PDE3A: variants seen among roughly 807,000 people sequenced by gnomAD.
PDE3A encodes the protein cGMP-inhibited 3',5'-cyclic phosphodiesterase 3A.
In PDE3A, 43 loss-of-function variants were observed where a neutral mutation model predicts 98.3. The observed-to-expected ratio is 0.44, with a 90% confidence interval of 0.34 to 0.56. The LOEUF (loss-of-function observed/expected upper bound fraction) is 0.56. Ranked by LOEUF, PDE3A falls within the 20% of genes least tolerant of loss-of-function variation. PDE3A has a pLI of 0.01. For missense variants in PDE3A, 1,427 were observed against 1,440.7 expected (o/e 0.99, Z 0.15); for synonymous variants, 663 against 567.9 (o/e 1.17, Z -2.38).
intron 2 of PDE3A, among the ~76,000 whole-genome samples, chr12:20,557,877 T>A (rs1000503780): frequency 2.0e-5 from 3 of 152,110 alleles, no homozygotes; most frequent in African/African-American, 4.8e-5. Context: ...TCTGTACACA[T>A]CTATAAAATT....
chr12:20,434,287 A>G (rs1289635622), intron 1 of PDE3A, among the ~76,000 whole-genome samples: 1 of 152,054 alleles, frequency 6.6e-6, no homozygotes, highest in Non-Finnish European at 1.5e-5. Flanking sequence ...CCAGGATGGG[A>G]ACATACATTT....
chr12:20,621,321 A>T lies in PDE3A; in HGVS notation c.1450A>T (p.Met484Leu), dbSNP rs552128450. The change falls in exon 5 of 16, where the codon ATG becomes TTG. Residue 484 changes from methionine to leucine, a missense_variant. Met to Leu is a conservative substitution (Grantham distance 15, BLOSUM62 2). Coordinates refer to ENST00000359062, the MANE Select transcript of PDE3A (RefSeq NM_000921.5). Reference protein sequence around the residue: ...SSPDSWNNPVMMTLTKSRSFT... With the variant: ...SSPDSWNNPVLMTLTKSRSFT... ...TCCTGATTCTTGGAATAATCCAGTG[A>T]TGATGACCCTCACCAAAAGCAGATC... The T allele has an allele frequency of 1.9e-6, 3 of 1,601,028 alleles. No individual in the cohort carries two copies. Among genetic ancestry groups the T allele is most frequent in the Middle Eastern group, 3.3e-4 (2 of 6,030 alleles).
At chr12:20,422,886 C>T (rs10734702) in intron 1 of PDE3A, among the ~76,000 whole-genome samples, 120,988 of 152,182 alleles carry the variant, frequency 0.8, 50,602 homozygotes, top group East Asian at 0.99. Flanking sequence ...CCAACACTTA[C>T]ATGTTTATTT....
Position 20,680,076 on chromosome 12 carries a change from G to A in PDE3A, c.3231G>A (p.Gln1077=). The change falls in exon 16 of 16, where the codon CAG becomes CAA. Residue 1077 remains glutamine (Q), a synonymous_variant. Coordinates refer to ENST00000359062, the MANE Select transcript of PDE3A (RefSeq NM_000921.5). ...GAAAAATCTACTGCCAAATAACTCA[G>A]CACCTCTTACAGAACCACAAGATGT... The part of the protein sequence containing the change: ...KRRKIYCQIT[Q]HLLQNHKMWK... 6.2e-7 allele frequency: 1 copy of A among 1,607,778 alleles called. No individual in the cohort carries two copies. Among genetic ancestry groups the A allele is most frequent in the Non-Finnish European group, 8.5e-7 (1 of 1,174,478 alleles).
intron 1 of PDE3A, among the ~76,000 whole-genome samples, chr12:20,489,735 TG>T: frequency 6.6e-6 from 1 of 152,280 alleles, no homozygotes; most frequent in Non-Finnish European, 1.5e-5. Flanking sequence ...CAGAAAATAA[TG>T]TTCACTGATT....
chr12:20,527,729 A>ACAAAGAACC (rs1248253526), intron 1 of PDE3A, among the ~76,000 whole-genome samples: 1 of 152,168 alleles, frequency 6.6e-6, no homozygotes, highest in East Asian at 1.9e-4. Flanking sequence ...GCATTGCTTG[A>ACAAAGAACC]CAAAGAACCC....
At position 20,369,230 on chromosome 12, in the gene PDE3A, G is replaced by A; in HGVS notation, c.-55G>A. 5 of 1,366,364 alleles carry A rather than the reference G, an allele frequency of 3.7e-6. No homozygotes were observed. The South Asian group carries it at 5.8e-5, about 16-fold the overall frequency. 84.6% of individuals were successfully genotyped at this position (1,366,364 alleles called of 1,614,324 possible). On this transcript the variant is annotated 5_prime_UTR_variant, in exon 1 of 16. Coordinates refer to ENST00000359062, the MANE Select transcript of PDE3A (RefSeq NM_000921.5). ...GTGTGTGCGCGCGCGCGCGTGGGTC[G>A]GGGCGGGGGCGTCGGGGGGCCACTG... is the stretch of plus-strand genomic sequence containing the variant.
intron 1 of PDE3A, among the ~76,000 whole-genome samples, chr12:20,426,980 A>G (rs1339627460): frequency 6.6e-6 from 1 of 152,188 alleles, no homozygotes; most frequent in Non-Finnish European, 1.5e-5. Context: ...TGGTTATTCT[A>G]AGAAAGGAGC....
At chr12:20,415,864 G>C (rs1006332122) in intron 1 of PDE3A, among the ~76,000 whole-genome samples, 1 of 152,186 alleles carries the variant, frequency 6.6e-6, no homozygotes, top group Non-Finnish European at 1.5e-5. Flanking sequence ...GGCAGTACAG[G>C]CTTCAGTGTT....
intron 1 of PDE3A, among the ~76,000 whole-genome samples, chr12:20,531,986 A>G (rs1231443175): frequency 1.3e-5 from 2 of 152,058 alleles, no homozygotes; most frequent in African/African-American, 4.8e-5. Flanking sequence ...GTGCAAGTCT[A>G]ATGGATAGAT....
intron 1 of PDE3A, among the ~76,000 whole-genome samples, chr12:20,510,266 T>C (rs929069743): frequency 3.9e-5 from 6 of 152,106 alleles, no homozygotes; most frequent in Non-Finnish European, 5.9e-5. Context: ...TAAATTGCTA[T>C]ACAAATTTGT....
intron 5 of PDE3A, among the ~76,000 whole-genome samples, chr12:20,628,296 T>C (rs1014243893): frequency 2.6e-5 from 4 of 152,202 alleles, no homozygotes; most frequent in African/African-American, 9.6e-5. Flanking sequence ...ATTTTTTGTT[T>C]TGTTTTTGGC....
chr12:20,548,443 AT>A (rs63566760), intron 1 of PDE3A, among the ~76,000 whole-genome samples: 2,656 of 151,930 alleles, frequency 0.017, 67 homozygotes, highest in African/African-American at 0.058. Context: ...AGAGACAAAC[AT>A]TTTTTTTCTC....
chr12:20,595,519 T>C (rs543613125), intron 2 of PDE3A, among the ~76,000 whole-genome samples: 33 of 152,246 alleles, frequency 2.2e-4, no homozygotes, highest in African/African-American at 7.9e-4. Context: ...TCATAGTCCA[T>C]AGGAAATTTA....
intron 2 of PDE3A, among the ~76,000 whole-genome samples, chr12:20,575,999 A>C (rs1942922848): frequency 6.6e-6 from 1 of 151,982 alleles, no homozygotes; most frequent in Admixed American, 6.6e-5. Flanking sequence ...TTTTTAAAAA[A>C]TTGATTAATT....
chr12:20,526,145 C>T (rs973735085), intron 1 of PDE3A, among the ~76,000 whole-genome samples: 3 of 152,182 alleles, frequency 2.0e-5, no homozygotes, highest in Admixed American at 6.5e-5. Context: ...ATGGACATCA[C>T]ACTTGAGGGG....
At chr12:20,647,057 C>A in intron 12 of PDE3A, 107 bp downstream of exon 12, 1 of 705,384 alleles carries the variant, frequency 1.4e-6, no homozygotes, top group Non-Finnish European at 2.5e-6. Flanking sequence ...CCAAACTATA[C>A]ATAGTCTTAC....
rs1338110044 is a variant in PDE3A, at chr12:20,684,441, C to T, written c.*4170C>T. 2.0e-5 allele frequency: 3 copies of T among 152,036 alleles called. No homozygotes were observed. The highest frequency in any genetic ancestry group is 4.8e-5 in the African/African-American group (2 of 41,382). The allele number at this position is 152,036 out of a possible 1,614,324, so 9.4% of individuals were successfully genotyped here. ...AGTCTAGAAAAACCAACAAGATCCC[C>T]CTTATTTAGAGATTATTAGCTAATG... On this transcript the variant is annotated 3_prime_UTR_variant, in exon 16 of 16. Coordinates refer to ENST00000359062, the MANE Select transcript of PDE3A (RefSeq NM_000921.5).
rs113974862 is a variant in PDE3A, at chr12:20,660,105, G to A, written c.3184+5900G>A. ...TAAGGGGAGTTACCCCCATGCTACT[G>A]TTCTCATGACAGTGAGTGACTTGTC... On this transcript the variant is annotated intron_variant, in intron 15 of 15. Coordinates refer to ENST00000359062, the MANE Select transcript of PDE3A (RefSeq NM_000921.5). 1.1e-3 allele frequency among the ~76,000 whole-genome samples: 166 copies of A among 152,192 alleles called. 5 individuals carry two copies. Among genetic ancestry groups the A allele is most frequent in the African/African-American group, 3.8e-3 (156 of 41,500 alleles).
Sources: allele counts gnomAD v4.1 joint callset (sites outside exome capture counted in the v4.1 genomes callset), GRCh38; gene constraint gnomAD v4.1.1; transcripts MANE v1.5; gene names NCBI Gene and HGNC (gene_info 2026-07-23, HGNC 2026-07-21).